The following GABPA variants were observed in gnomAD, a reference collection of about 807,000 sequenced individuals.
GABPA encodes GA-binding protein alpha chain.
Under a neutral mutation model 59.4 loss-of-function variants are expected in GABPA, and 4 were observed. The ratio of observed to expected loss-of-function variants is 0.07; its 90% CI spans 0.03 to 0.15. The LOEUF (loss-of-function observed/expected upper bound fraction) is 0.15, where lower values mean the gene tolerates loss of function less well. Among genes scored for constraint, GABPA ranks in the 10% least tolerant of loss-of-function variants. The probability of loss-of-function intolerance (pLI) is 1.00; values close to 1 mark genes in which losing one functional copy is unlikely to be tolerated. For synonymous variants in GABPA, 164 were observed against 183.1 expected, an observed-to-expected ratio of 0.90 and a Z score of 0.84; for missense variants, 251 against 543.8, an observed-to-expected ratio of 0.46 and a Z score of 5.36.
At position 25,746,471 on chromosome 21, in the gene GABPA, C is replaced by T. The variant is rs370372808; in HGVS notation, c.222+1117C>T. On this transcript the variant is annotated intron_variant, in intron 3 of 9. Coordinates refer to ENST00000400075, the MANE Select transcript of GABPA (RefSeq NM_002040.4). ...CTTTTTTATTAGTTTTTTAAAAATTCAAATCATCATATGCTGCTACTATTT... is the reference window on the plus strand; with the variant it reads ...CTTTTTTATTAGTTTTTTAAAAATTTAAATCATCATATGCTGCTACTATTT... Among the ~76,000 whole-genome samples, 5 of 152,058 alleles carry T rather than the reference C, an allele frequency of 3.3e-5. No homozygotes were observed. The East Asian group carries it at 7.7e-4, about 23-fold the overall frequency.
At chr21:25,741,830 G>T (rs2035229681) in intron 2 of GABPA, among the ~76,000 whole-genome samples, 155 bp downstream of exon 2, 1 of 152,042 alleles carries the variant, frequency 6.6e-6, no homozygotes. Context: ...ACTTAATGTG[G>T]TTGTAGCTGA....
chr21:25,767,338 G>A (rs911410530), intron 9 of GABPA, among the ~76,000 whole-genome samples: 1 of 151,514 alleles, frequency 6.6e-6, no homozygotes, highest in Non-Finnish European at 1.5e-5. Flanking sequence ...TGATATATTT[G>A]CAATTAAAAA....
chr21:25,739,812 C>A (rs1227128729), intron 1 of GABPA, among the ~76,000 whole-genome samples: 1 of 152,146 alleles, frequency 6.6e-6, no homozygotes, highest in Non-Finnish European at 1.5e-5. Flanking sequence ...GAGACAGGTT[C>A]TTTTTATGTT....
At chr21:25,750,987 A>G (rs1238122825) in intron 4 of GABPA, among the ~76,000 whole-genome samples, 7 of 152,306 alleles carry the variant, frequency 4.6e-5, no homozygotes, top group Admixed American at 4.6e-4. Context: ...TTCACAGAAG[A>G]TCGAAGTTGA....
intron 5 of GABPA, among the ~76,000 whole-genome samples, chr21:25,756,782 G>T (rs1015004): frequency 6.6e-6 from 1 of 151,974 alleles, no homozygotes; most frequent in African/African-American, 2.4e-5. Context: ...GTAAATGTTC[G>T]TGGGTTTTTG....
chr21:25,756,166 TCAGA>T (rs1177814769), intron 5 of GABPA, among the ~76,000 whole-genome samples: 1 of 150,480 alleles, frequency 6.6e-6, no homozygotes, highest in Non-Finnish European at 1.5e-5. Context: ...AGAAAACAAA[TCAGA>T]CAAATTATAT....
Position 25,751,862 on chromosome 21 carries a change from C to T in GABPA, c.308-127C>T, listed in dbSNP as rs45463391. The T allele has an allele frequency of 0.012, 10,959 of 930,836 alleles. 635 individuals are homozygous for T. The African/African-American group carries it at 0.14, about 12-fold the overall frequency. The allele number at this position is 930,836 out of a possible 1,614,324, so 57.7% of individuals were successfully genotyped here. On this transcript the variant is annotated intron_variant, in intron 4 of 9. Transcript: ENST00000400075. Reference sequence around the variant, plus strand: ...TTCACCCAGATTCCCCAAATGTTAACTTTTACTACATTTGCTTTATTCGAT... The same window carrying T: ...TTCACCCAGATTCCCCAAATGTTAATTTTTACTACATTTGCTTTATTCGAT...
At chr21:25,759,400 G>GT (rs1241933266) in intron 6 of GABPA, among the ~76,000 whole-genome samples, 2 of 152,222 alleles carry the variant, frequency 1.3e-5, no homozygotes, top group East Asian at 3.9e-4. Context: ...AATGCTTGCA[G>GT]TTTTCATTCA....
intron 1 of GABPA, among the ~76,000 whole-genome samples, chr21:25,740,668 A>G (rs936084171): frequency 1.3e-5 from 2 of 152,266 alleles, no homozygotes; most frequent in Non-Finnish European, 2.9e-5. Context: ...AAACTGAAGT[A>G]GTGGTCTGTT....
chr21:25,764,421 T>C, intron 8 of GABPA, 71 bp downstream of exon 8: 1 of 1,462,420 alleles, frequency 6.8e-7, no homozygotes. Context: ...TATTTTACTG[T>C]ATGAAAAATG....
chr21:25,754,000 A>G (rs1158020917), intron 5 of GABPA, among the ~76,000 whole-genome samples: 1 of 152,148 alleles, frequency 6.6e-6, no homozygotes, highest in East Asian at 1.9e-4. Flanking sequence ...GAGCTATGGA[A>G]CCAGACAGCT....
At position 25,735,090 on chromosome 21, in the gene GABPA, CT is replaced by C. The variant is rs2034983367; in HGVS notation, c.-514del. On this transcript the variant is annotated 5_prime_UTR_variant, in exon 1 of 10. Coordinates refer to ENST00000400075, the MANE Select transcript of GABPA (RefSeq NM_002040.4). ...TGGAGGGTAAGTGCTTCCGGGTCCC[CT>C]GGCACAGCCTCCGCCATCTTTTCTT... 5 of 844,468 alleles carry C rather than the reference CT, an allele frequency of 5.9e-6. No homozygotes were observed. Among genetic ancestry groups the C allele is most frequent in the Middle Eastern group, 2.2e-4 (1 of 4,604 alleles). The allele number at this position is 844,468 out of a possible 1,614,324, so 52.3% of individuals were successfully genotyped here.
At chr21:25,758,361 A>G (rs2035687348) in intron 6 of GABPA, among the ~76,000 whole-genome samples, 157 bp downstream of exon 6, 1 of 152,186 alleles carries the variant, frequency 6.6e-6, no homozygotes, top group East Asian at 1.9e-4. Context: ...AAAGCTCTAT[A>G]TGTTCTTTAA....
chr21:25,767,034 T>C (rs1445396534), intron 9 of GABPA, among the ~76,000 whole-genome samples: 1 of 151,996 alleles, frequency 6.6e-6, no homozygotes, highest in Non-Finnish European at 1.5e-5. Context: ...AAATTCTGTA[T>C]GATTACATTT....
chr21:25,738,956 T>C (rs2035148917), intron 1 of GABPA, among the ~76,000 whole-genome samples: 1 of 152,096 alleles, frequency 6.6e-6, no homozygotes, highest in African/African-American at 2.4e-5. Context: ...AGGGTCTTCA[T>C]TTCTTCATCA....
intron 2 of GABPA, among the ~76,000 whole-genome samples, 185 bp from the exon 3 acceptor site, chr21:25,745,025 C>T (rs562336545): frequency 2.6e-5 from 4 of 152,306 alleles, no homozygotes; most frequent in African/African-American, 9.6e-5. Flanking sequence ...TAGCATTTCT[C>T]TATGAAATTC....
At chr21:25,768,975 G>A in intron 9 of GABPA, 29 bp from the exon 10 acceptor site, 1 of 1,433,426 alleles carries the variant, frequency 7.0e-7, no homozygotes, top group Non-Finnish European at 9.7e-7. Flanking sequence ...TTTTTCTGAA[G>A]TCTCTAATTT....
chr21:25,758,092 C>T lies in GABPA; in HGVS notation c.636C>T (p.Leu212=). Residue 212 remains leucine (L), a synonymous_variant, in exon 6 of 10, where the codon CTC becomes CTT. Coordinates refer to ENST00000400075, the MANE Select transcript of GABPA (RefSeq NM_002040.4). ...MKEFSMTDID[L]TTLNISGREL... is the part of the protein sequence containing the mutation. ...AATTCAGCATGACCGATATAGACCT[C>T]ACCACACTCAACATTTCGGGGAGAG... 6.2e-7 allele frequency: 1 copy of T among 1,610,356 alleles called. No individual in the cohort carries two copies. Among genetic ancestry groups the T allele is most frequent in the Non-Finnish European group, 8.5e-7 (1 of 1,178,146 alleles).
intron 9 of GABPA, among the ~76,000 whole-genome samples, chr21:25,767,488 C>G (rs576714596): frequency 6.6e-6 from 1 of 151,930 alleles, no homozygotes; most frequent in African/African-American, 2.4e-5. Flanking sequence ...GATGCATCTA[C>G]TAGATCAAAA....
Sources: allele counts gnomAD v4.1 joint callset (sites outside exome capture counted in the v4.1 genomes callset), GRCh38; gene constraint gnomAD v4.1.1; transcripts MANE v1.5; gene names NCBI Gene and HGNC (gene_info 2026-07-23, HGNC 2026-07-21).